The following TAF1A variants were observed in gnomAD, a reference collection of about 807,000 sequenced individuals.
TAF1A encodes TATA box-binding protein-associated factor RNA polymerase I subunit A.
A neutral mutation model predicts 61.6 loss-of-function variants in TAF1A; 42 were observed. That is an observed-to-expected ratio of 0.68 (90% CI 0.53 to 0.88). The LOEUF (loss-of-function observed/expected upper bound fraction) is 0.88. Ranked by LOEUF, TAF1A falls within the 40% of genes least tolerant of loss-of-function variation. The pLI is 0.00. For missense variants in TAF1A, 424 were observed against 518.7 expected (o/e 0.82, Z 1.77); for synonymous variants, 179 against 177.7 (o/e 1.01, Z -0.06).
At chr1:222,583,985 C>T (rs113515583) in intron 3 of TAF1A, 143 bp downstream of exon 3, 22 of 803,562 alleles carry the variant, frequency 2.7e-5, no homozygotes, top group Non-Finnish European at 4.1e-5. Context: ...AAAAAGGTCC[C>T]AATACAAACT....
At chr1:222,561,553 G>T in intron 9 of TAF1A, 35 bp from the exon 10 acceptor site, 1 of 1,558,728 alleles carries the variant, frequency 6.4e-7, no homozygotes, top group Non-Finnish European at 8.7e-7. Flanking sequence ...GAGGGTCAAT[G>T]ATGGAAACAA....
chr1:222,580,997 A>G (rs549564904), intron 3 of TAF1A, among the ~76,000 whole-genome samples: 3 of 152,230 alleles, frequency 2.0e-5, no homozygotes, highest in East Asian at 3.9e-4. Context: ...CTAAAAATAC[A>G]AAAAATTAGC....
Position 222,560,897 on chromosome 1 carries a change from T to C in TAF1A, c.1240+467A>G, listed in dbSNP as rs536079401. On this transcript the variant is annotated intron_variant, in intron 10 of 10. Coordinates refer to ENST00000352967, the MANE Select transcript of TAF1A (RefSeq NM_005681.4). ...GAAGAAAAAATCAATATCCCTTTTC[T>C]TTGAAGAGAATTTTTTTCATATGCT... Among the ~76,000 whole-genome samples, 32 of 152,322 alleles carry C rather than the reference T, an allele frequency of 2.1e-4. No individual in the cohort carries two copies. In the South Asian group the frequency reaches 6.2e-3, roughly 30 times the overall value.
chr1:222,563,432 C>A, intron 8 of TAF1A, 136 bp from the exon 9 acceptor site: 1 of 996,942 alleles, frequency 1.0e-6, no homozygotes, highest in Non-Finnish European at 1.4e-6. Flanking sequence ...CATAAGCCTT[C>A]TGGTTAACAG....
intron 1 of TAF1A, 73 bp downstream of exon 1, chr1:222,589,654 T>A (rs1428408281): frequency 6.1e-6 from 1 of 163,792 alleles, no homozygotes; most frequent in Non-Finnish European, 1.3e-5. Flanking sequence ...CAGGAGAACA[T>A]GGATGAATCC....
At position 222,563,298 on chromosome 1, in the gene TAF1A, T is replaced by G; in HGVS notation, c.962-2A>C. On this transcript the variant is annotated splice_acceptor_variant, in intron 8 of 10. Transcript: ENST00000352967. LOFTEE classifies it high-confidence loss of function. ...CCAGTTTACGGTGTTCTTCTTTTTC[T>G]GCAATGGTTTTAACAGTTCAAGTTT... is the stretch of plus-strand genomic sequence containing the variant. The G allele has an allele frequency of 6.2e-7, 1 of 1,611,932 alleles. No homozygotes were observed. The highest frequency in any genetic ancestry group is 8.5e-7 in the Non-Finnish European group (1 of 1,179,254).
chr1:222,563,806 C>T (rs1660008994), intron 8 of TAF1A, among the ~76,000 whole-genome samples: 1 of 152,178 alleles, frequency 6.6e-6, no homozygotes, highest in Non-Finnish European at 1.5e-5. Context: ...CAGGAGTAGG[C>T]AAACTTTTTC....
chr1:222,584,260 T>G lies in TAF1A; in HGVS notation c.159A>C (p.Thr53=). Residue 53 remains threonine, a synonymous_variant, in exon 3 of 11, where the codon ACA becomes ACC. Transcript: ENST00000352967. ...GGATAAAACTTAAACAAGCACTTGT[T>G]GTCTGAGCAAAATCCTTCCTCCTTT... ...GGKRRKDFAQ[T]TSACLSFIQE... is the part of the protein sequence containing the mutation. 5.6e-6 allele frequency: 9 copies of G among 1,609,870 alleles called. No homozygotes were observed. Among genetic ancestry groups the G allele is most frequent in the Non-Finnish European group, 7.6e-6 (9 of 1,179,084 alleles).
chr1:222,587,998 A>G (rs967284987), intron 2 of TAF1A, among the ~76,000 whole-genome samples: 1 of 152,068 alleles, frequency 6.6e-6, no homozygotes, highest in African/African-American at 2.4e-5. Flanking sequence ...CAGTGAGCCA[A>G]GATCTAGCCA....
At chr1:222,568,120 C>T (rs1660186728) in intron 7 of TAF1A, among the ~76,000 whole-genome samples, 1 of 150,238 alleles carries the variant, frequency 6.7e-6, no homozygotes, top group Non-Finnish European at 1.5e-5. Flanking sequence ...CCACACACTA[C>T]CCACAAAAAA....
At chr1:222,583,393 G>A (rs948864843) in intron 3 of TAF1A, among the ~76,000 whole-genome samples, 3 of 148,566 alleles carry the variant, frequency 2.0e-5, no homozygotes, top group South Asian at 4.4e-4. Context: ...AATTTAAGTG[G>A]GTGATGGCGT....
intron 5 of TAF1A, among the ~76,000 whole-genome samples, chr1:222,572,760 T>C (rs1184964449): frequency 6.6e-6 from 1 of 152,148 alleles, no homozygotes; most frequent in Non-Finnish European, 1.5e-5. Context: ...AATAATAAAG[T>C]TGGGCCCCTA....
Position 222,582,393 on chromosome 1 carries a change from G to C in TAF1A, c.291+1735C>G, listed in dbSNP as rs183008786. On this transcript the variant is annotated intron_variant, in intron 3 of 10. Transcript: ENST00000352967. ...GAGAAATGCAAATCATAACCAGGAT[G>C]ATGCCACTTCACAACCACAAGGATG... 5.9e-5 allele frequency among the ~76,000 whole-genome samples: 9 copies of C among 152,352 alleles called. No homozygotes were observed. The East Asian group carries it at 1.7e-3, about 29-fold the overall frequency.
intron 1 of TAF1A, among the ~76,000 whole-genome samples, chr1:222,588,858 TATA>T (rs1185242411): frequency 6.6e-6 from 1 of 152,062 alleles, no homozygotes; most frequent in African/African-American, 2.4e-5. Context: ...CAGCAAAACG[TATA>T]ATAACAAAAC....
chr1:222,559,867 T>A (rs1174377592), intron 10 of TAF1A, among the ~76,000 whole-genome samples: 1 of 152,144 alleles, frequency 6.6e-6, no homozygotes, highest in Non-Finnish European at 1.5e-5. Context: ...GTTACTAAAA[T>A]AATTTGTATT....
At chr1:222,583,945 T>C (rs1660907084) in intron 3 of TAF1A, among the ~76,000 whole-genome samples, 183 bp downstream of exon 3, 1 of 152,080 alleles carries the variant, frequency 6.6e-6, no homozygotes, top group Admixed American at 6.5e-5. Flanking sequence ...TTTAGTCCCC[T>C]TTAAAATAAG....
chr1:222,554,390 C>G (rs1375854925), downstream of TAF1A, among the ~76,000 whole-genome samples: 3 of 152,150 alleles, frequency 2.0e-5, no homozygotes, highest in Admixed American at 1.3e-4. Flanking sequence ...TCGACTCTTA[C>G]CTGGTGGCAG....
chr1:222,576,889 C>G (rs1660592123), intron 5 of TAF1A, among the ~76,000 whole-genome samples: 1 of 152,200 alleles, frequency 6.6e-6, no homozygotes, highest in Non-Finnish European at 1.5e-5. Context: ...CCTCTGAGCT[C>G]TCTTCTGGAC....
intron 7 of TAF1A, among the ~76,000 whole-genome samples, chr1:222,566,303 G>A (rs945891463): frequency 1.2e-4 from 19 of 152,084 alleles, no homozygotes; most frequent in African/African-American, 4.1e-4. Flanking sequence ...CTAGGATAGC[G>A]GTCCCCAACT....
Sources: gnomAD v4.1 joint callset for allele counts (sites outside exome capture counted in the v4.1 genomes callset) on GRCh38, gnomAD v4.1.1 for gene constraint, MANE v1.5 for transcripts, NCBI Gene and HGNC (gene_info 2026-07-23, HGNC 2026-07-21) for gene names.